The following CCNY variants were observed in gnomAD, a reference collection of about 807,000 sequenced individuals.
CCNY encodes the protein cyclin Y.
A neutral mutation model predicts 42.8 loss-of-function variants in CCNY; 19 were observed. The observed-to-expected ratio is 0.44, with a 90% CI of 0.31 to 0.65. CCNY has a LOEUF of 0.65. Ranked by LOEUF, CCNY falls within the 30% of genes least tolerant of loss-of-function variation. CCNY has a pLI of 0.07. For synonymous variants in CCNY, 165 were observed against 162.7 expected, an observed-to-expected ratio of 1.01 and a Z score of -0.11; for missense variants, 370 against 437.3, an observed-to-expected ratio of 0.85 and a Z score of 1.37.
intron 3 of CCNY, among the ~76,000 whole-genome samples, chr10:35,267,469 G>A (rs182648221): frequency 6.6e-6 from 1 of 152,258 alleles, no homozygotes; most frequent in East Asian, 1.9e-4. Context: ...TGAGGAACAG[G>A]CTAAAGAGCC....
chr10:35,251,793 T>G (rs2095712243), intron 3 of CCNY, among the ~76,000 whole-genome samples: 1 of 151,582 alleles, frequency 6.6e-6, no homozygotes, highest in Admixed American at 6.6e-5. Flanking sequence ...TTCATTATGT[T>G]GCCCGGGCTG....
chr10:35,347,561 G>T (rs1236486317), intron 1 of CCNY: 1 of 311,568 alleles, frequency 3.2e-6, no homozygotes, highest in Non-Finnish European at 4.7e-6. Flanking sequence ...TCTGTTCTTG[G>T]TGGTCAATAA....
chr10:35,374,673 T>G (rs929885165), intron 1 of CCNY, among the ~76,000 whole-genome samples: 1 of 152,232 alleles, frequency 6.6e-6, no homozygotes, highest in East Asian at 1.9e-4. Context: ...GTTTCTTGGT[T>G]TGTCAGGTGT....
In CCNY at chr10:35,509,576, T is replaced by C. The variant is rs374856870; in HGVS notation, c.265-6947T>C. 7.9e-5 allele frequency among the ~76,000 whole-genome samples: 12 copies of C among 152,230 alleles called. 1 individual carries two copies. The highest frequency in any genetic ancestry group is 7.7e-4 in the East Asian group (4 of 5,200). ...CAGCCATGAGCCACTGTGCCTAACCTGTACCTTCTTTTTCTTTCTATGGAA... is the reference window on the plus strand; with the variant it reads ...CAGCCATGAGCCACTGTGCCTAACCCGTACCTTCTTTTTCTTTCTATGGAA... On this transcript the variant is annotated intron_variant, in intron 3 of 9. Transcript: ENST00000374704.
chr10:35,281,330 A>G (rs1411555860), intron 3 of CCNY, among the ~76,000 whole-genome samples: 6 of 151,834 alleles, frequency 4.0e-5, no homozygotes. Flanking sequence ...ACAGAGTCTG[A>G]CTCTGTCGCC....
At chr10:35,322,084 G>A (rs762214497) in intron 3 of CCNY, among the ~76,000 whole-genome samples, 5 of 152,136 alleles carry the variant, frequency 3.3e-5, no homozygotes, top group Admixed American at 2.0e-4. Flanking sequence ...GGATGGGTGC[G>A]GTGGCTCACG....
intron 4 of CCNY, among the ~76,000 whole-genome samples, chr10:35,524,052 C>G (rs187204780): frequency 6.6e-6 from 1 of 152,132 alleles, no homozygotes; most frequent in Non-Finnish European, 1.5e-5. Flanking sequence ...GACTAGTAAA[C>G]GAATGAAACT....
chr10:35,387,214 ATGAT>A (rs1461028570), intron 1 of CCNY, among the ~76,000 whole-genome samples: 1 of 152,172 alleles, frequency 6.6e-6, no homozygotes. Context: ...ACCAAAACTT[ATGAT>A]TGATTGCTTT....
At chr10:35,329,371 G>A (rs990584859) in intron 3 of CCNY, among the ~76,000 whole-genome samples, 5 of 152,140 alleles carry the variant, frequency 3.3e-5, no homozygotes, top group African/African-American at 1.2e-4. Context: ...CTAACATGGT[G>A]AAACCCCATC....
At chr10:35,411,156 C>G (rs960511189) in intron 1 of CCNY, among the ~76,000 whole-genome samples, 1 of 152,038 alleles carries the variant, frequency 6.6e-6, no homozygotes, top group African/African-American at 2.4e-5. Context: ...ATCTGAAACA[C>G]AAAAAGATTC....
intron 1 of CCNY, among the ~76,000 whole-genome samples, chr10:35,439,845 A>G (rs1191678662): frequency 6.6e-6 from 1 of 152,128 alleles, no homozygotes; most frequent in Non-Finnish European, 1.5e-5. Context: ...ACAGAAGTTC[A>G]GGTTTTACTT....
chr10:35,329,400 T>C (rs1471057922), intron 3 of CCNY, among the ~76,000 whole-genome samples: 3 of 151,648 alleles, frequency 2.0e-5, no homozygotes, highest in East Asian at 3.9e-4. Context: ...AAATAAAAAA[T>C]AAAAAAAAAT....
chr10:35,370,750 C>T (rs1564385943), intron 1 of CCNY, among the ~76,000 whole-genome samples: 1 of 151,456 alleles, frequency 6.6e-6, no homozygotes. Flanking sequence ...GAGTCTCGCA[C>T]TTTCGCCCAG....
chr10:35,337,628 C>T (rs761148450), intron 1 of CCNY, among the ~76,000 whole-genome samples: 1 of 152,190 alleles, frequency 6.6e-6, no homozygotes. Flanking sequence ...AGTGGATTCC[C>T]ATTTTGGAAT....
intron 1 of CCNY, among the ~76,000 whole-genome samples, chr10:35,479,854 A>G (rs1375329908): frequency 6.6e-6 from 1 of 152,062 alleles, no homozygotes; most frequent in Non-Finnish European, 1.5e-5. Flanking sequence ...TGGGGATATC[A>G]TTTTTCCTGA....
At chr10:35,341,444 G>A (rs1171665193) in intron 1 of CCNY, among the ~76,000 whole-genome samples, 1 of 152,130 alleles carries the variant, frequency 6.6e-6, no homozygotes, top group East Asian at 1.9e-4. Flanking sequence ...AACACTTTAT[G>A]ATATACTATA....
intron 1 of CCNY, among the ~76,000 whole-genome samples, chr10:35,416,124 A>G (rs953975221): frequency 6.6e-6 from 1 of 151,346 alleles, no homozygotes; most frequent in Non-Finnish European, 1.5e-5. Flanking sequence ...GGTGCTGTTC[A>G]GTGCCATGTT....
At chr10:35,390,635 C>T (rs1589084050) in intron 1 of CCNY, among the ~76,000 whole-genome samples, 2 of 152,290 alleles carry the variant, frequency 1.3e-5, no homozygotes, top group East Asian at 3.9e-4. Flanking sequence ...GAGTTGCAGT[C>T]TCATTTCCCT....
rs201305691 is a variant in CCNY at position 35,529,993 on chromosome 10, T to C, written c.422T>C (p.Leu141Pro). The C allele has an allele frequency of 3.1e-6, 5 of 1,614,052 alleles. No homozygotes were observed. The highest frequency in any genetic ancestry group is 4.2e-6 in the Non-Finnish European group (5 of 1,179,894). The change falls in exon 6 of 10, where the codon CTC becomes CCC. Residue 141 changes from leucine to proline, a missense_variant. By Grantham distance (98) the Leu-to-Pro change is moderately conservative (BLOSUM62 -3). Transcript: ENST00000374704. ...ACCAGGGACCCAGATGGAAGGATGC[T>C]CTTAGATATTTTTGATGAAAATCTT... is the stretch of plus-strand genomic sequence containing the variant. ...IKNRDPDGRM[L>P]LDIFDENLHP...
Sources: allele counts gnomAD v4.1 joint callset (sites outside exome capture counted in the v4.1 genomes callset), GRCh38; gene constraint gnomAD v4.1.1; transcripts MANE v1.5; gene names NCBI Gene and HGNC (gene_info 2026-07-23, HGNC 2026-07-21).